Variants in CBL observed in about 807,000 individuals in gnomAD.
The protein encoded by CBL is E3 ubiquitin-protein ligase CBL.
Under a neutral mutation model 96.9 loss-of-function variants are expected in CBL, and 45 were observed. The ratio of observed to expected loss-of-function variants is 0.46; its 90% CI spans 0.37 to 0.60. The LOEUF (loss-of-function observed/expected upper bound fraction) is 0.60, where lower values mean the gene tolerates loss of function less well. CBL is among the 20% of genes least tolerant of loss of function. CBL has a pLI of 0.00. For synonymous variants in CBL, 420 were observed against 426.8 expected, an observed-to-expected ratio of 0.98 and a Z score of 0.20; for missense variants, 1,024 against 1,143.5, an observed-to-expected ratio of 0.90 and a Z score of 1.51.
At chr11:119,248,352 G>A (rs1023368627) in intron 2 of CBL, among the ~76,000 whole-genome samples, 15 of 152,148 alleles carry the variant, frequency 9.9e-5, no homozygotes, top group Admixed American at 5.9e-4. Flanking sequence ...TTTTTGACAA[G>A]CTTCTCAATG....
At chr11:119,255,785 C>T (rs1344841953) in intron 2 of CBL, among the ~76,000 whole-genome samples, 4 of 151,832 alleles carry the variant, frequency 2.6e-5, no homozygotes, top group Non-Finnish European at 5.9e-5. Context: ...TGCTTATGCA[C>T]AAATGAATGT....
At position 119,306,823 on chromosome 11, in the gene CBL, T is replaced by C. The variant is rs1950146321; in HGVS notation, c.*7042T>C. The C allele has an allele frequency of 4.3e-6, 1 of 234,328 alleles. No homozygotes were observed. The highest frequency in any genetic ancestry group is 8.4e-6 in the Non-Finnish European group (1 of 118,726). 14.5% of individuals were successfully genotyped at this position (234,328 alleles called of 1,614,324 possible). A position where few individuals can be genotyped will look rare whatever the true frequency, so the allele number is the denominator to read the frequency against. ...CCTGACTTCCTGCTGACACATGTGG[T>C]AGGGGCATGGCAGCTATGAGGCACC... On this transcript the variant is annotated 3_prime_UTR_variant, in exon 16 of 16. Coordinates refer to ENST00000264033, the MANE Select transcript of CBL (RefSeq NM_005188.4).
In CBL at chr11:119,305,418, A is replaced by C. The variant is rs748854642; in HGVS notation, c.*5637A>C. On this transcript the variant is annotated 3_prime_UTR_variant, in exon 16 of 16. Coordinates refer to ENST00000264033, the MANE Select transcript of CBL (RefSeq NM_005188.4). ...AATAACGGGTTCCACTGTAGCCACT[A>C]TCCATGGACTTCTGGGTCCTCTTCA... is the stretch of plus-strand genomic sequence containing the variant. The C allele has an allele frequency of 2.6e-5, 6 of 229,774 alleles. No individual in the cohort carries two copies. Among genetic ancestry groups the C allele is most frequent in the African/African-American group, 8.9e-5 (4 of 45,112 alleles). The allele number at this position is 229,774 out of a possible 1,614,324, so 14.2% of individuals were successfully genotyped here. A position where few individuals can be genotyped will look rare whatever the true frequency, so the allele number is the denominator to read the frequency against.
chr11:119,293,472 G>C (rs74551819), intron 12 of CBL, among the ~76,000 whole-genome samples: 3,889 of 152,016 alleles, frequency 0.026, 144 homozygotes, highest in African/African-American at 0.086. Context: ...CTCCAACTCT[G>C]TCCAGCTTGG....
At chr11:119,272,732 A>G (rs1314888102) in intron 3 of CBL, among the ~76,000 whole-genome samples, 1 of 152,150 alleles carries the variant, frequency 6.6e-6, no homozygotes, top group Non-Finnish European at 1.5e-5. Context: ...ATGACCAGTC[A>G]AGATTCTTAT....
intron 5 of CBL, 124 bp downstream of exon 5, chr11:119,275,077 T>C: frequency 1.1e-6 from 1 of 948,706 alleles, no homozygotes; most frequent in Admixed American, 1.8e-5. Flanking sequence ...ATAGGATTGA[T>C]ACCTGTTTAT....
At chr11:119,296,895 A>AT (rs1228978630) in intron 12 of CBL, 23 bp from the exon 13 acceptor site, 32 of 1,201,606 alleles carry the variant, frequency 2.7e-5, no homozygotes, top group Non-Finnish European at 3.9e-5. Context: ...TTCTTTTTCT[A>AT]TTTTTTATTC....
At chr11:119,287,799 A>C in intron 11 of CBL, 53 bp from the exon 12 acceptor site, 5 of 1,100,126 alleles carry the variant, frequency 4.5e-6, no homozygotes, top group Non-Finnish European at 7.0e-6. Flanking sequence ...ATAAGAGCAG[A>C]GGCTCAGCTG....
chr11:119,285,381 C>T lies in CBL; in HGVS notation c.1756C>T (p.Leu586Phe). The change falls in exon 11 of 16, where the codon CTT becomes TTT. Residue 586 changes from leucine (L) to phenylalanine (F), a missense_variant. By Grantham distance (22) the Leu-to-Phe change is conservative. This residue lies in a region of CBL where 695 missense variants were observed against 661.6 expected (regional missense o/e 1.05). Transcript: ENST00000264033. ...DKLPPVPSSR[L>F]GDSWLPRPIP... ...ACTGCCCCCTGTCCCCTCTAGCCGC[C>T]TTGGAGACTCATGGCTGCCCCGGCC... 1 of 1,614,218 alleles carries T rather than the reference C, an allele frequency of 6.2e-7. No individual in the cohort carries two copies. Among genetic ancestry groups the T allele is most frequent in the Non-Finnish European group, 8.5e-7 (1 of 1,180,040 alleles).
chr11:119,264,004 C>G (rs566263679), intron 2 of CBL, among the ~76,000 whole-genome samples: 1 of 152,306 alleles, frequency 6.6e-6, no homozygotes, highest in South Asian at 2.1e-4. Context: ...AGTCTTAAGC[C>G]TATACCATCA....
At chr11:119,232,122 C>T (rs1048784680) in intron 1 of CBL, among the ~76,000 whole-genome samples, 4 of 152,092 alleles carry the variant, frequency 2.6e-5, no homozygotes, top group Non-Finnish European at 5.9e-5. Flanking sequence ...TTGTGGGGAT[C>T]AGCAGTATAT....
chr11:119,276,261 A>G, intron 6 of CBL, 127 bp downstream of exon 6: 1 of 1,007,774 alleles, frequency 9.9e-7, no homozygotes, highest in Admixed American at 1.9e-5. Context: ...TTAACAGATG[A>G]TATTGATTTG....
At chr11:119,207,478 G>T (rs1257677271) in intron 1 of CBL, among the ~76,000 whole-genome samples, 1 of 152,140 alleles carries the variant, frequency 6.6e-6, no homozygotes, top group East Asian at 1.9e-4. Context: ...CTTTAAACTT[G>T]TTCGTTGAGC....
At chr11:119,273,826 T>C in intron 3 of CBL, 42 bp from the exon 4 acceptor site, 1 of 1,571,788 alleles carries the variant, frequency 6.4e-7, no homozygotes, top group Non-Finnish European at 8.8e-7. Context: ...TGGAATTATC[T>C]CTGTTATTTC....
At chr11:119,264,912 C>T (rs1263277979) in intron 2 of CBL, among the ~76,000 whole-genome samples, 2 of 152,018 alleles carry the variant, frequency 1.3e-5, no homozygotes, top group Admixed American at 6.6e-5. Flanking sequence ...AGTTTTGCTT[C>T]GTCGCCTAGG....
At chr11:119,285,748 T>A (rs1949980311) in intron 11 of CBL, among the ~76,000 whole-genome samples, 182 bp downstream of exon 11, 1 of 152,054 alleles carries the variant, frequency 6.6e-6, no homozygotes, top group Non-Finnish European at 1.5e-5. Flanking sequence ...TTACAAAAAT[T>A]AGCTGGGCGT....
At chr11:119,222,677 TG>T (rs1949420413) in intron 1 of CBL, among the ~76,000 whole-genome samples, 1 of 151,114 alleles carries the variant, frequency 6.6e-6, no homozygotes, top group African/African-American at 2.5e-5. Context: ...TTTTGTTTTT[TG>T]GTTCATGTTT....
intron 1 of CBL, among the ~76,000 whole-genome samples, chr11:119,214,437 T>C (rs965835368): frequency 6.6e-6 from 1 of 152,080 alleles, no homozygotes; most frequent in Non-Finnish European, 1.5e-5. Context: ...TTGGTAGAGA[T>C]GGGGTTTTAC....
Position 119,298,487 on chromosome 11 carries a change from C to T in CBL, c.2381C>T (p.Ser794Phe), listed in dbSNP as rs201620100. ...VLARRTLSDI[S>F]NASSSFGWLS... ...GCCCGCCGAACTCTCTCAGATATCT[C>T]TAATGCCAGCTCCTCCTTTGGCTGG... The change falls in exon 15 of 16, where the codon TCT (serine) becomes TTT (phenylalanine). Residue 794 changes from serine (S) to phenylalanine (F), a missense_variant. By Grantham distance (155) the Ser-to-Phe change is radical. Transcript: ENST00000264033. 23 of 1,614,204 alleles carry T rather than the reference C, an allele frequency of 1.4e-5. No individual in the cohort carries two copies. In the East Asian group the frequency reaches 4.9e-4, roughly 34 times the overall value.
Sources: gnomAD v4.1 joint callset for allele counts (sites outside exome capture counted in the v4.1 genomes callset) on GRCh38, gnomAD v4.1.1 for gene constraint, gnomAD v4.1.1 regional missense constraint, MANE v1.5 for transcripts, NCBI Gene and HGNC (gene_info 2026-07-23, HGNC 2026-07-21) for gene names.